The following CCDC61 variants were observed in gnomAD, a reference collection of about 807,000 sequenced individuals.
CCDC61 encodes centrosomal protein CCDC61.
Under a neutral mutation model 63.0 loss-of-function variants are expected in CCDC61, and 55 were observed. That is an observed-to-expected ratio of 0.87 (90% confidence interval 0.70 to 1.09). The LOEUF (loss-of-function observed/expected upper bound fraction) is 1.09, where lower values mean the gene tolerates loss of function less well. Among genes scored for constraint, CCDC61 ranks in the 50% least tolerant of loss-of-function variants. CCDC61 has a pLI of 0.00. For missense variants in CCDC61, 651 were observed against 731.4 expected, an observed-to-expected ratio of 0.89 and a Z score of 1.27; for synonymous variants, 270 against 317.0, an observed-to-expected ratio of 0.85 and a Z score of 1.58.
intron 5 of CCDC61, among the ~76,000 whole-genome samples, chr19:46,011,564 A>C: frequency 6.6e-6 from 1 of 152,190 alleles, no homozygotes; most frequent in East Asian, 1.9e-4. Flanking sequence ...TGTCCCCTGT[A>C]CTTGCAGTGA....
chr19:46,001,263 G>A (rs982415921), intron 1 of CCDC61, among the ~76,000 whole-genome samples: 1 of 152,118 alleles, frequency 6.6e-6, no homozygotes, highest in Non-Finnish European at 1.5e-5. Context: ...ATCTTGCTCT[G>A]TTACCCAGGC....
In CCDC61 at chr19:46,017,261, G is replaced by T. The variant is rs1968963555; in HGVS notation, c.1325G>T (p.Arg442Leu). 1.9e-6 allele frequency: 3 copies of T among 1,565,642 alleles called. No homozygotes were observed. Residue 442 changes from arginine (R) to leucine (L), a missense_variant, in exon 12 of 14, where the codon CGT becomes CTT. By Grantham distance (102) the Arg-to-Leu change is moderately radical (BLOSUM62 -2). Coordinates refer to ENST00000595358, the MANE Select transcript of CCDC61 (RefSeq NM_001267723.2). ...CTTTTTCTCAGGGGTCACCGCCGCC[G>T]TGGGAAGCCTCCCAGCCCAACGCCC... ...ESLSRGGHRR[R>L]GKPPSPTPWS... is the part of the protein sequence containing the mutation.
chr19:46,001,235 T>G (rs1328522950), intron 1 of CCDC61, among the ~76,000 whole-genome samples: 1 of 152,106 alleles, frequency 6.6e-6, no homozygotes, highest in Non-Finnish European at 1.5e-5. Flanking sequence ...TTTATTTATT[T>G]GTTTTTTCTG....
In CCDC61 at chr19:46,016,105, A is replaced by G; in HGVS notation, c.897A>G (p.Ser299=). The change falls in exon 8 of 14, where the codon TCA becomes TCG. Residue 299 remains serine, a synonymous_variant. Transcript: ENST00000595358. This position sits in a 1 kb window ranked among gnomAD's most constrained non-coding sequence, Gnocchi z 7.2. ...CCCCGACGCGGGAGGACCGGGCCTC[A>G]TCGTCCCGGGAGCGCTCCGCGTCGC... is the stretch of plus-strand genomic sequence containing the variant. The part of the protein sequence containing the change: ...QPPPTREDRA[S]SSRERSASRG... The G allele has an allele frequency of 8.1e-7, 1 of 1,236,910 alleles. No homozygotes were observed. Among genetic ancestry groups the G allele is most frequent in the Non-Finnish European group, 1.0e-6 (1 of 992,186 alleles). The allele number at this position is 1,236,910 out of a possible 1,614,324, so 76.6% of individuals were successfully genotyped here.
In CCDC61 at chr19:46,016,283, C is replaced by T. The variant is rs753870369; in HGVS notation, c.1016-35C>T. The T allele has an allele frequency of 6.2e-7, 1 of 1,611,290 alleles. No individual in the cohort carries two copies. The highest frequency in any genetic ancestry group is 1.7e-5 in the Admixed American group (1 of 59,770). ...CACTGGCGCTGCCAAGGCCCGTCTC[C>T]GGACCTAGCCGCCTCCTCTCCCACG... On this transcript the variant is annotated intron_variant, in intron 8 of 13. Coordinates refer to ENST00000595358, the MANE Select transcript of CCDC61 (RefSeq NM_001267723.2). The surrounding 1 kb of genome is among the most constrained non-coding windows in gnomAD (Gnocchi z 7.2).
In CCDC61 at chr19:45,999,934, G is replaced by A. The variant is rs377458009; in HGVS notation, c.-11-3074G>A. The A allele has an allele frequency of 8.6e-5, 67 of 774,968 alleles. No homozygotes were observed. In the East Asian group the frequency reaches 4.7e-3, roughly 55 times the overall value. 48.0% of individuals were successfully genotyped at this position (774,968 alleles called of 1,614,324 possible). On this transcript the variant is annotated intron_variant, in intron 1 of 13. Coordinates refer to ENST00000595358, the MANE Select transcript of CCDC61 (RefSeq NM_001267723.2). ...GGGCGGGGCCTCGAAGGCACCGCTG[G>A]GATGCGTGAGGTCAGGAAGGAGGCA...
Position 46,016,124 on chromosome 19 carries a change from G to T in CCDC61, c.916G>T (p.Ala306Ser), listed in dbSNP as rs1968927429. 1.6e-6 allele frequency: 2 copies of T among 1,226,688 alleles called. No homozygotes were observed. Among genetic ancestry groups the T allele is most frequent in the Non-Finnish European group, 2.0e-6 (2 of 994,000 alleles). The allele number at this position is 1,226,688 out of a possible 1,614,324, so 76.0% of individuals were successfully genotyped here. The change falls in exon 8 of 14, where the codon GCG becomes TCG. Residue 306 changes from alanine to serine, a missense_variant. Physicochemically the swap from Ala to Ser is moderately conservative, Grantham distance 99 (BLOSUM62 1). Coordinates refer to ENST00000595358, the MANE Select transcript of CCDC61 (RefSeq NM_001267723.2). This position sits in a 1 kb window ranked among gnomAD's most constrained non-coding sequence, Gnocchi z 7.2. ...GGCCTCATCGTCCCGGGAGCGCTCC[G>T]CGTCGCGAGGCCGCGGCGCCGCGCG... The part of the protein sequence containing the change: ...DRASSSRERS[A>S]SRGRGAARSS...
intron 3 of CCDC61, among the ~76,000 whole-genome samples, chr19:46,004,926 C>T (rs536611536): frequency 1.0e-4 from 15 of 148,850 alleles, no homozygotes; most frequent in African/African-American, 2.0e-4. Context: ...GCAACCTCCG[C>T]GTCTCGGGTT....
At chr19:46,011,608 T>C (rs1489511868) in intron 5 of CCDC61, among the ~76,000 whole-genome samples, 1 of 152,210 alleles carries the variant, frequency 6.6e-6, no homozygotes, top group Non-Finnish European at 1.5e-5. Flanking sequence ...TTTAATCACA[T>C]GTGGGGTAGG....
intron 1 of CCDC61, among the ~76,000 whole-genome samples, chr19:45,997,619 G>A (rs1237012885): frequency 1.3e-5 from 2 of 152,020 alleles, no homozygotes; most frequent in Non-Finnish European, 2.9e-5. Context: ...TCAAACTCCT[G>A]ACCTCAGGTG....
At chr19:46,009,145 G>T (rs775257997) in intron 5 of CCDC61, among the ~76,000 whole-genome samples, 19 of 152,290 alleles carry the variant, frequency 1.2e-4, no homozygotes, top group Non-Finnish European at 2.5e-4. Context: ...TCAGGCCCAG[G>T]GGCTGGGGAA....
chr19:46,003,297 G>A, intron 2 of CCDC61, 122 bp from the exon 3 acceptor site: 1 of 1,418,400 alleles, frequency 7.1e-7, no homozygotes. Flanking sequence ...TGTGGGGAGG[G>A]GTGTAGGTCT....
intron 5 of CCDC61, among the ~76,000 whole-genome samples, chr19:46,012,965 C>T (rs1192107493): frequency 1.3e-5 from 2 of 151,964 alleles, no homozygotes; most frequent in African/African-American, 4.8e-5. Flanking sequence ...AACCTTCCTG[C>T]CTCAGCCTTC....
Position 46,018,516 on chromosome 19 carries a change from GTCT to G in CCDC61, c.*130_*132del. On this transcript the variant is annotated 3_prime_UTR_variant, in exon 14 of 14. Coordinates refer to ENST00000595358, the MANE Select transcript of CCDC61 (RefSeq NM_001267723.2). This position sits in a 1 kb window ranked among gnomAD's most constrained non-coding sequence, Gnocchi z 4.2. ...CCCCGTCCCTCCTGCTGCCCCTGGG[GTCT>G]CAGGTGTGTGAGGCCCTGACCCTGC... is the stretch of plus-strand genomic sequence containing the variant. 1 of 687,348 alleles carries G rather than the reference GTCT, an allele frequency of 1.5e-6. No homozygotes were observed. Among genetic ancestry groups the G allele is most frequent in the Non-Finnish European group, 2.5e-6 (1 of 399,826 alleles). The allele number at this position is 687,348 out of a possible 1,614,324, so 42.6% of individuals were successfully genotyped here.
At chr19:45,996,106 A>G (rs1307090870) in intron 1 of CCDC61, 1 of 154,624 alleles carries the variant, frequency 6.5e-6, no homozygotes, top group Admixed American at 6.3e-5. Context: ...GCCACTGATC[A>G]TTACTGTGGC....
chr19:46,011,057 TTTC>T (rs201874007), intron 5 of CCDC61, among the ~76,000 whole-genome samples: 6 of 151,310 alleles, frequency 4.0e-5, no homozygotes, highest in Admixed American at 6.6e-5. Flanking sequence ...CTTTTCTTTC[TTTC>T]TTTTTTTTTT....
In CCDC61 at chr19:46,016,783, T is replaced by C. The variant is rs763949486; in HGVS notation, c.1181T>C (p.Leu394Ser). ...CGCCAGACCCAGCCCCCTGCTGCCT[T>C]GACTGGCCGAGGGGACGCCCCTAAC... ...WSRQTQPPAA[L>S]TGRGDAPNRS... Residue 394 changes from leucine to serine, a missense_variant, in exon 10 of 14, where the codon TTG (leucine) becomes TCG (serine). By Grantham distance (145) the Leu-to-Ser change is moderately radical. Coordinates refer to ENST00000595358, the MANE Select transcript of CCDC61 (RefSeq NM_001267723.2). This position sits in a 1 kb window ranked among gnomAD's most constrained non-coding sequence, Gnocchi z 7.2. 2.9e-5 allele frequency: 45 copies of C among 1,552,134 alleles called. No individual in the cohort carries two copies. In the South Asian group the frequency reaches 5.3e-4, roughly 18 times the overall value.
chr19:46,016,772 C>G lies in CCDC61; in HGVS notation c.1170C>G (p.Pro390=). Residue 390 remains proline (P), a synonymous_variant, in exon 10 of 14, where the codon CCC becomes CCG. Transcript: ENST00000595358. The surrounding 1 kb of genome is among the most constrained non-coding windows in gnomAD (Gnocchi z 7.2). ...PSVSWSRQTQ[P]PAALTGRGDA... is the part of the protein sequence containing the mutation. Reference sequence around the variant, plus strand: ...TCTCCTGGTCTCGCCAGACCCAGCCCCCTGCTGCCTTGACTGGCCGAGGGG... The same window carrying G: ...TCTCCTGGTCTCGCCAGACCCAGCCGCCTGCTGCCTTGACTGGCCGAGGGG... 20 of 1,564,550 alleles carry G rather than the reference C, an allele frequency of 1.3e-5. No homozygotes were observed. Among genetic ancestry groups the G allele is most frequent in the Non-Finnish European group, 1.7e-5 (20 of 1,155,648 alleles).
Position 46,018,284 on chromosome 19 carries a change from TCA to T in CCDC61, c.1442-3_1442-2del, listed in dbSNP as rs756902925. 6.4e-7 allele frequency: 1 copy of T among 1,563,152 alleles called. No homozygotes were observed. The highest frequency in any genetic ancestry group is 8.7e-7 in the Non-Finnish European group (1 of 1,153,980). On this transcript the variant is annotated splice_region_variant and splice_polypyrimidine_tract_variant and intron_variant, in intron 13 of 13. Transcript: ENST00000595358. This position sits in a 1 kb window ranked among gnomAD's most constrained non-coding sequence, Gnocchi z 4.2. Reference sequence around the variant, plus strand: ...ACAGCCCCCATACCCACACCTGCTCTCACAGAGTACAGCTCGGAGCACCAGGC... The same window carrying T: ...ACAGCCCCCATACCCACACCTGCTCTCAGAGTACAGCTCGGAGCACCAGGC...
Sources: allele counts gnomAD v4.1 joint callset (sites outside exome capture counted in the v4.1 genomes callset), GRCh38; gene constraint gnomAD v4.1.1; non-coding constraint Gnocchi (gnomAD v3.1); transcripts MANE v1.5; gene names NCBI Gene and HGNC (gene_info 2026-07-23, HGNC 2026-07-21).